Variants in TRPC5 observed in about 807,000 individuals in gnomAD.
The protein encoded by TRPC5 is transient receptor potential cation channel subfamily C member 5.
In TRPC5, 9 loss-of-function variants were observed where a neutral mutation model predicts 56.5. The ratio of observed to expected loss-of-function variants is 0.16; its 90% CI spans 0.10 to 0.28. The LOEUF (loss-of-function observed/expected upper bound fraction) is 0.28. Ranked by LOEUF, TRPC5 falls within the 10% of genes least tolerant of loss-of-function variation. TRPC5 has a pLI of 1.00. For synonymous variants in TRPC5, 282 were observed against 278.5 expected, an observed-to-expected ratio of 1.01 and a Z score of -0.13; for missense variants, 469 against 748.9, an observed-to-expected ratio of 0.63 and a Z score of 4.36.
intron 1 of TRPC5, among the ~76,000 whole-genome samples, chrX:111,980,595 T>C (rs1928051146): frequency 9.0e-6 from 1 of 110,986 alleles, no homozygotes; most frequent in Non-Finnish European, 1.9e-5. Context: ...TCATTGTTTT[T>C]TCATTTTAGT....
chrX:111,824,972 C>T (rs762655148), intron 7 of TRPC5, among the ~76,000 whole-genome samples: 1 of 111,298 alleles, frequency 9.0e-6, no homozygotes, highest in East Asian at 2.8e-4. Context: ...TCTGTCTTTC[C>T]AAATTTGACC....
chrX:111,848,850 G>T (rs916550739), intron 5 of TRPC5, among the ~76,000 whole-genome samples: 2 of 112,043 alleles, frequency 1.8e-5, no homozygotes, highest in Admixed American at 9.5e-5. Context: ...ATTACTGTGA[G>T]GGGTAGGAAT....
chrX:112,070,182 T>C (rs1402414858), intron 1 of TRPC5, among the ~76,000 whole-genome samples: 1 of 111,971 alleles, frequency 8.9e-6, no homozygotes, highest in African/African-American at 3.3e-5. Context: ...CAGGCTGGTA[T>C]GGGATTCAAA....
chrX:112,060,316 G>T (rs1264398800), intron 1 of TRPC5, among the ~76,000 whole-genome samples: 1 of 111,666 alleles, frequency 9.0e-6, no homozygotes, highest in African/African-American at 3.3e-5. Context: ...TCAGGGAGAG[G>T]TGACCACCCA....
chrX:111,974,763 G>T (rs781337058), intron 1 of TRPC5, among the ~76,000 whole-genome samples: 6 of 111,236 alleles, frequency 5.4e-5, no homozygotes, highest in Non-Finnish European at 1.9e-5. Context: ...GGAAAAGCTT[G>T]TCTTTATTTT....
intron 2 of TRPC5, among the ~76,000 whole-genome samples, chrX:111,917,853 G>T (rs1222080191): frequency 8.9e-6 from 1 of 112,710 alleles, no homozygotes; most frequent in African/African-American, 3.2e-5. Flanking sequence ...CTACTGTTGA[G>T]GCTTTTGCAA....
intron 3 of TRPC5, among the ~76,000 whole-genome samples, chrX:111,879,285 G>A (rs983430990): frequency 3.6e-5 from 4 of 112,080 alleles, no homozygotes; most frequent in Non-Finnish European, 7.5e-5. Flanking sequence ...CTCAGGAGAC[G>A]TTGACTCTCG....
chrX:111,910,828 C>T (rs767203769), intron 3 of TRPC5, among the ~76,000 whole-genome samples: 12 of 112,826 alleles, frequency 1.1e-4, no homozygotes, highest in Admixed American at 2.8e-4. Context: ...CACCACACCC[C>T]GCCCAGCTAA....
chrX:111,892,441 G>T (rs369620266), intron 3 of TRPC5, among the ~76,000 whole-genome samples: 66 of 111,965 alleles, frequency 5.9e-4, no homozygotes, highest in African/African-American at 1.5e-3. Context: ...CGAGGTGGAG[G>T]GCATTCTCTG....
chrX:111,994,476 C>T (rs1008185240), intron 1 of TRPC5, among the ~76,000 whole-genome samples: 6 of 111,477 alleles, frequency 5.4e-5, no homozygotes, highest in African/African-American at 2.0e-4. Flanking sequence ...GGCATTGAAT[C>T]TATAAATTAC....
intron 1 of TRPC5, among the ~76,000 whole-genome samples, chrX:112,078,177 TATA>T (rs1183633429): frequency 8.9e-6 from 1 of 111,858 alleles, no homozygotes; most frequent in Non-Finnish European, 1.9e-5. Flanking sequence ...TATAGACACA[TATA>T]ATGTTTTCTT....
chrX:111,905,901 C>T (rs372564967), intron 3 of TRPC5, among the ~76,000 whole-genome samples: 7 of 84,045 alleles, frequency 8.3e-5, no homozygotes, highest in African/African-American at 3.3e-4. Flanking sequence ...GGCGACAGAG[C>T]GAGTCTCTGT....
intron 1 of TRPC5, among the ~76,000 whole-genome samples, chrX:112,036,171 T>A (rs2147723072): frequency 9.0e-6 from 1 of 111,676 alleles, no homozygotes; most frequent in East Asian, 2.8e-4. Flanking sequence ...CCAGTATACA[T>A]GGGTGATTTT....
chrX:111,871,263 G>A (rs913707170), intron 3 of TRPC5, among the ~76,000 whole-genome samples: 3 of 111,625 alleles, frequency 2.7e-5, no homozygotes, highest in African/African-American at 9.8e-5. Context: ...CATCAGGGAT[G>A]GGAAAGTGCT....
At chrX:112,003,627 C>T (rs937721442) in intron 1 of TRPC5, among the ~76,000 whole-genome samples, 5 of 110,962 alleles carry the variant, frequency 4.5e-5, no homozygotes, top group African/African-American at 1.6e-4. Flanking sequence ...CTGGTCCCTG[C>T]ACACTAAATG....
rs139944022 is a variant in TRPC5 at position 111,936,212 on chromosome X, A to G, written c.378+15831T>C. ...ATTGCTAGCTATTTGATTTGTACCTATGGTAAATGAGATTGCTTTCTTGAT... is the reference window on the plus strand; with the variant it reads ...ATTGCTAGCTATTTGATTTGTACCTGTGGTAAATGAGATTGCTTTCTTGAT... On this transcript the variant is annotated intron_variant, in intron 2 of 10. Transcript: ENST00000262839. 3.5e-3 allele frequency among the ~76,000 whole-genome samples: 394 copies of G among 111,352 alleles called. 1 individual carries two copies. The highest frequency in any genetic ancestry group is 0.012 in the African/African-American group (376 of 30,721).
intron 3 of TRPC5, 121 bp from the exon 4 acceptor site, chrX:111,854,227 A>T: frequency 1.4e-6 from 1 of 727,981 alleles, no homozygotes; most frequent in Non-Finnish European, 2.0e-6. Flanking sequence ...TCCCCAGAAG[A>T]GGCCTGTTTT....
intron 3 of TRPC5, among the ~76,000 whole-genome samples, chrX:111,889,275 T>C (rs1424859696): frequency 9.0e-6 from 1 of 110,987 alleles, no homozygotes; most frequent in Non-Finnish European, 1.9e-5. Context: ...CAGAAGTCAT[T>C]GGTGACTTTA....
At position 111,956,192 on chromosome X, in the gene TRPC5, G is replaced by A. The variant is rs1033540919; in HGVS notation, c.-21-3751C>T. ...GCCCAGCATAAGACTTCATCTGTGA[G>A]GAGGAAAGGCTGGCTTTCTACCTAA... On this transcript the variant is annotated intron_variant, in intron 1 of 10. Transcript: ENST00000262839. 1.2e-4 allele frequency among the ~76,000 whole-genome samples: 14 copies of A among 112,738 alleles called. No individual in the cohort carries two copies. In the Middle Eastern group the frequency reaches 0.014, roughly 111 times the overall value.
Sources: gnomAD v4.1 joint callset for allele counts (sites outside exome capture counted in the v4.1 genomes callset) on GRCh38, gnomAD v4.1.1 for gene constraint, MANE v1.5 for transcripts, NCBI Gene and HGNC (gene_info 2026-07-23, HGNC 2026-07-21) for gene names.